AVEN: variants seen among roughly 807,000 people sequenced by gnomAD.
The protein encoded by AVEN is cell death regulator Aven.
AVEN carries 41 observed loss-of-function variants against 38.1 expected under a neutral mutation model. The ratio of observed to expected loss-of-function variants is 1.08; its 90% CI spans 0.84 to 1.40. The LOEUF (loss-of-function observed/expected upper bound fraction) is 1.40, where lower values mean the gene tolerates loss of function less well. Among genes scored for constraint, AVEN ranks in the 40% most tolerant of loss-of-function variants. The probability of loss-of-function intolerance (pLI) is 0.00; values close to 1 mark genes in which losing one functional copy is unlikely to be tolerated. For missense variants in AVEN, 605 were observed against 438.8 expected (o/e 1.38, Z -3.38); for synonymous variants, 206 against 171.8 (o/e 1.20, Z -1.56).
Position 34,012,233 on chromosome 15 carries a change from T to C in AVEN, c.268-9024A>G, listed in dbSNP as rs551595626. Among the ~76,000 whole-genome samples, 4 of 152,206 alleles carry C rather than the reference T, an allele frequency of 2.6e-5. No homozygotes were observed. The South Asian group carries it at 8.3e-4, about 32-fold the overall frequency. On this transcript the variant is annotated intron_variant, in intron 1 of 5. Transcript: ENST00000306730. ...TTTGCTTCTTGACGTGGTTATGATC[T>C]GAGAGAAAAGATACCGTTTTGCTTT...
intron 2 of AVEN, among the ~76,000 whole-genome samples, chr15:33,878,701 C>T (rs192191416): frequency 3.3e-5 from 5 of 151,956 alleles, no homozygotes; most frequent in South Asian, 2.1e-4. Flanking sequence ...GCAAAGAATA[C>T]GTATTAATCT....
intron 1 of AVEN, among the ~76,000 whole-genome samples, chr15:34,073,810 T>G (rs2140859694): frequency 6.6e-6 from 1 of 152,056 alleles, no homozygotes; most frequent in South Asian, 2.1e-4. Flanking sequence ...CGTGAGTCAC[T>G]GCACCTAGCC....
chr15:33,861,339 T>C (rs1305761339), downstream of AVEN, among the ~76,000 whole-genome samples: 1 of 152,194 alleles, frequency 6.6e-6, no homozygotes, highest in African/African-American at 2.4e-5. Context: ...CTCTCCCATG[T>C]GTGATAGACG....
At chr15:34,046,999 G>A (rs1210476044) in intron 5 of AVEN, 1 of 152,224 alleles carries the variant, frequency 6.6e-6, no homozygotes, top group African/African-American at 2.4e-5. Context: ...AGAGCTGTGC[G>A]GAGTTTCAGC....
At chr15:33,952,608 T>C (rs1894794181) in intron 2 of AVEN, among the ~76,000 whole-genome samples, 1 of 152,088 alleles carries the variant, frequency 6.6e-6, no homozygotes, top group Non-Finnish European at 1.5e-5. Context: ...CAAAACAGCA[T>C]AAATGAAAAA....
At chr15:33,940,508 A>G (rs1894273025) in intron 2 of AVEN, among the ~76,000 whole-genome samples, 1 of 152,112 alleles carries the variant, frequency 6.6e-6, no homozygotes, top group Non-Finnish European at 1.5e-5. Context: ...GGTTGCACAC[A>G]TAAAGTTTAG....
intron 2 of AVEN, among the ~76,000 whole-genome samples, chr15:33,954,131 T>A (rs1381612272): frequency 6.6e-6 from 1 of 152,132 alleles, no homozygotes; most frequent in East Asian, 1.9e-4. Context: ...AGAATGGCGA[T>A]CATTAAAAAG....
rs568900986 is a variant in AVEN, at chr15:33,993,087, G to A, written c.445+9945C>T. ...ACTGTTAAACATTTTTCTAACTCTGGCTATCTGTGACATCTTGAAAGGAAC... is the reference window on the plus strand; with the variant it reads ...ACTGTTAAACATTTTTCTAACTCTGACTATCTGTGACATCTTGAAAGGAAC... On this transcript the variant is annotated intron_variant, in intron 2 of 5. Coordinates refer to ENST00000306730, the MANE Select transcript of AVEN (RefSeq NM_020371.3). Among the ~76,000 whole-genome samples the A allele has an allele frequency of 2.6e-5, 4 of 152,130 alleles. No individual in the cohort carries two copies. In the East Asian group the frequency reaches 5.8e-4, roughly 22 times the overall value.
intron 2 of AVEN, among the ~76,000 whole-genome samples, chr15:33,971,483 A>G (rs2140496334): frequency 6.6e-6 from 1 of 152,182 alleles, no homozygotes; most frequent in African/African-American, 2.4e-5. Context: ...AATGGCATCT[A>G]GGTCAAAATG....
chr15:33,976,832 C>G (rs1019815433), intron 2 of AVEN, among the ~76,000 whole-genome samples: 1 of 152,182 alleles, frequency 6.6e-6, no homozygotes, highest in Non-Finnish European at 1.5e-5. Context: ...AAACAAACAT[C>G]CTAGGCATAG....
rs768557053 is a variant in AVEN at position 33,870,957 on chromosome 15, T to C, written c.590A>G (p.Asn197Ser). Residue 197 changes from asparagine to serine, a missense_variant, in exon 4 of 6, where the codon AAC becomes AGC. Asn to Ser is a conservative substitution (Grantham distance 46). Transcript: ENST00000306730. ...TACCTGGACCAGTTCGGCAGCAACG[T>C]TGAGTCGGAGGCAGAGAGGCAGCTC... ...LQELPLCLRL[N>S]VAAELVQGTV... is the part of the protein sequence containing the mutation. 8 of 1,611,304 alleles carry C rather than the reference T, an allele frequency of 5.0e-6. No homozygotes were observed. Among genetic ancestry groups the C allele is most frequent in the South Asian group, 4.4e-5 (4 of 90,682 alleles).
intron 4 of AVEN, chr15:34,064,966 A>G (rs1357484563): frequency 6.0e-6 from 1 of 167,210 alleles, no homozygotes; most frequent in African/African-American, 2.4e-5. Context: ...CACTGAACCC[A>G]TGCTGATCTC....
chr15:33,947,966 T>C (rs529262237), intron 2 of AVEN, among the ~76,000 whole-genome samples: 1 of 152,354 alleles, frequency 6.6e-6, no homozygotes, highest in African/African-American at 2.4e-5. Flanking sequence ...AGAATGGCAT[T>C]AAAAATCTTT....
intron 2 of AVEN, among the ~76,000 whole-genome samples, chr15:33,932,602 G>A (rs983163262): frequency 2.6e-5 from 4 of 152,096 alleles, no homozygotes; most frequent in African/African-American, 9.7e-5. Context: ...TGAGGTGGAG[G>A]GATCATGAGG....
At chr15:33,884,923 T>G (rs1243460601) in intron 2 of AVEN, among the ~76,000 whole-genome samples, 1 of 152,232 alleles carries the variant, frequency 6.6e-6, no homozygotes, top group Non-Finnish European at 1.5e-5. Flanking sequence ...GCTATTTGGA[T>G]CTTTCAAATC....
chr15:33,933,524 CAGAGAGAGAGAGAGAGAGAGAGAGAGAG>C (rs3086294), intron 2 of AVEN, among the ~76,000 whole-genome samples: 36 of 46,650 alleles, frequency 7.7e-4, no homozygotes, highest in Admixed American at 1.6e-3. Context: ...CACACACACA[CAGAGAGAGAGAGAGAGAGAGAGAGAGAG>C]AGAGAGAGAG....
At position 33,930,677 on chromosome 15, in the gene AVEN, C is replaced by T. The variant is rs138234488; in HGVS notation, c.446-54682G>A. 4.6e-3 allele frequency among the ~76,000 whole-genome samples: 695 copies of T among 152,244 alleles called. 10 individuals are homozygous for T. The highest frequency in any genetic ancestry group is 0.016 in the African/African-American group (663 of 41,524). On this transcript the variant is annotated intron_variant, in intron 2 of 5. Transcript: ENST00000306730. ...AATCTGTTACAACTTAAGAACTGGC[C>T]GGGCGCGGTGGCTCACGCCTGTAAT...
At chr15:33,968,147 C>CAGGAAAAAA (rs1895469732) in intron 2 of AVEN, among the ~76,000 whole-genome samples, 1 of 43,388 alleles carries the variant, frequency 2.3e-5, no homozygotes. Flanking sequence ...AAAAGACTAA[C>CAGGAAAAAA]AGGAAAAAAT....
chr15:33,867,136 G>C (rs533895656), intron 5 of AVEN, among the ~76,000 whole-genome samples: 5 of 152,288 alleles, frequency 3.3e-5, no homozygotes, highest in African/African-American at 1.2e-4. Context: ...GACAGAAATA[G>C]CAAGAAAAAG....
Sources: allele counts gnomAD v4.1 joint callset (sites outside exome capture counted in the v4.1 genomes callset), GRCh38; gene constraint gnomAD v4.1.1; transcripts MANE v1.5; gene names NCBI Gene and HGNC (gene_info 2026-07-23, HGNC 2026-07-21).